Variants in RHPN1 observed in about 807,000 individuals in gnomAD.
The protein encoded by RHPN1 is rhophilin-1.
In RHPN1, 77 loss-of-function variants were observed where a neutral mutation model predicts 74.7. The ratio of observed to expected loss-of-function variants is 1.03; its 90% confidence interval spans 0.86 to 1.25. RHPN1 has a LOEUF of 1.25. Ranked by LOEUF, RHPN1 falls within the 50% of genes most tolerant of loss-of-function variation. RHPN1 has a pLI of 0.00. For synonymous variants in RHPN1, 444 were observed against 414.5 expected (o/e 1.07, Z -0.87); for missense variants, 987 against 932.2 (o/e 1.06, Z -0.77).
In RHPN1 at chr8:143,383,933, T is replaced by C. The variant is rs531978396; in HGVS notation, c.*1282T>C. On this transcript the variant is annotated 3_prime_UTR_variant, in exon 15 of 15. Transcript: ENST00000289013. ...GCAGGTGAGAGCAGCCTGCCCTGCATCCCAGGCTCTGGTTCCAGGGTCCAG... is the reference window on the plus strand; with the variant it reads ...GCAGGTGAGAGCAGCCTGCCCTGCACCCCAGGCTCTGGTTCCAGGGTCCAG... 2 of 152,368 alleles carry C rather than the reference T, an allele frequency of 1.3e-5. No homozygotes were observed. The highest frequency in any genetic ancestry group is 3.9e-4 in the East Asian group (2 of 5,166). The allele number at this position is 152,368 out of a possible 1,614,324, so 9.4% of individuals were successfully genotyped here. A position where few individuals can be genotyped will look rare whatever the true frequency, so the allele number is the denominator to read the frequency against.
At position 143,378,870 on chromosome 8, in the gene RHPN1, G is replaced by A. The variant is rs553457569; in HGVS notation, c.585-42G>A. 61 of 1,573,246 alleles carry A rather than the reference G, an allele frequency of 3.9e-5. No individual in the cohort carries two copies. The East Asian group carries it at 6.4e-4, about 17-fold the overall frequency. On this transcript the variant is annotated intron_variant, in intron 6 of 14. Transcript: ENST00000289013. The stretch of plus-strand genomic sequence containing the variant: ...CCCTGGGGAGGGGAGGCCCAGCTGC[G>A]GGAACCGTGGGAACTCCACCCAGCC...
At chr8:143,381,231 A>T (rs1818702445) in intron 11 of RHPN1, 37 bp from the exon 12 acceptor site, 2 of 1,576,844 alleles carry the variant, frequency 1.3e-6, no homozygotes, top group African/African-American at 2.7e-5. Flanking sequence ...AGGTCTCCAC[A>T]GTCTCCCAGC....
In RHPN1 at chr8:143,378,304, C is replaced by A; in HGVS notation, c.417C>A (p.Ala139=). The A allele has an allele frequency of 6.4e-7, 1 of 1,572,190 alleles. No homozygotes were observed. The highest frequency in any genetic ancestry group is 2.4e-5 in the East Asian group (1 of 42,422). Residue 139 remains alanine (A), a synonymous_variant, in exon 5 of 15, where the codon GCC becomes GCA. Transcript: ENST00000289013. ...LISVHFGEDG[A]SYEAEIRELE... is the part of the protein sequence containing the mutation. ...CAGTGCACTTTGGAGAGGACGGCGC[C>A]TCCTACGAGGCAGAAATCAGGGAGC...
In RHPN1 at chr8:143,379,100, G is replaced by C. The variant is rs766516198; in HGVS notation, c.751+22G>C. On this transcript the variant is annotated intron_variant, in intron 7 of 14. Transcript: ENST00000289013. The stretch of plus-strand genomic sequence containing the variant: ...GCTGGTGAGGGCGGCCCGGGCCGCG[G>C]TGGGGCACGGCGCGGTGCCAGGGTG... 2.0e-6 allele frequency: 3 copies of C among 1,473,268 alleles called. No individual in the cohort carries two copies. The South Asian group carries it at 4.0e-5, about 20-fold the overall frequency. 91.3% of individuals were successfully genotyped at this position (1,473,268 alleles called of 1,614,324 possible). A position where few individuals can be genotyped will look rare whatever the true frequency, so the allele number is the denominator to read the frequency against.
intron 1 of RHPN1, among the ~76,000 whole-genome samples, chr8:143,375,259 G>A (rs1417441839): frequency 6.6e-6 from 1 of 152,164 alleles, no homozygotes; most frequent in Admixed American, 6.5e-5. Flanking sequence ...GTGAGACCCT[G>A]GCTTCTGGTG....
intron 1 of RHPN1, among the ~76,000 whole-genome samples, chr8:143,370,309 A>G (rs73365847): frequency 0.036 from 5,542 of 152,240 alleles, 313 homozygotes; most frequent in African/African-American, 0.13. Flanking sequence ...ATGACCCCAC[A>G]GTCAGGGTAC....
Position 143,382,417 on chromosome 8 carries a change from G to A in RHPN1, c.1798-19G>A. On this transcript the variant is annotated intron_variant, in intron 14 of 14. Coordinates refer to ENST00000289013, the MANE Select transcript of RHPN1 (RefSeq NM_052924.3). ...GGCCAGCAGTGGCTGACCACAGTCT[G>A]TCTCTGTCCCTGCTGCAGGGGGACC... The A allele has an allele frequency of 6.5e-7, 1 of 1,548,286 alleles. No homozygotes were observed. The highest frequency in any genetic ancestry group is 8.7e-7 in the Non-Finnish European group (1 of 1,145,822).
In RHPN1 at chr8:143,379,928, G is replaced by A. The variant is rs762802479; in HGVS notation, c.1045G>A (p.Glu349Lys). ...GACTGCCCTGGTGCATGTCAAGGCC[G>A]AGTACTTCCGCTCCCTGGCCCACTA... ...SWTALVHVKA[E>K]YFRSLAHYHV... The change falls in exon 9 of 15, where the codon GAG becomes AAG. Residue 349 changes from glutamate (E) to lysine (K), a missense_variant. Transcript: ENST00000289013. The A allele has an allele frequency of 6.9e-6, 11 of 1,593,006 alleles. No individual in the cohort carries two copies. Among genetic ancestry groups the A allele is most frequent in the South Asian group, 4.5e-5 (4 of 87,930 alleles).
chr8:143,380,727 C>A lies in RHPN1; in HGVS notation c.1355C>A (p.Ala452Glu). 1 of 1,594,834 alleles carries A rather than the reference C, an allele frequency of 6.3e-7. No homozygotes were observed. The highest frequency in any genetic ancestry group is 8.5e-7 in the Non-Finnish European group (1 of 1,171,202). Residue 452 changes from alanine (A) to glutamate (E), a missense_variant, in exon 11 of 15, where the codon GCG becomes GAG. Transcript: ENST00000289013. Reference sequence around the variant, plus strand: ...CTGCAGCGCTCACTGGCCAAGTATGCGGAGCTCGACCGTGAGGATGACTTC... The same window carrying A: ...CTGCAGCGCTCACTGGCCAAGTATGAGGAGCTCGACCGTGAGGATGACTTC... ...QTLQRSLAKYAELDREDDFCE... is the reference protein window; with the variant it reads ...QTLQRSLAKYEELDREDDFCE...
chr8:143,366,553 GCA>G (rs758244219), upstream of RHPN1: 273 of 148,718 alleles, frequency 1.8e-3, 5 homozygotes, highest in Admixed American at 0.015. Context: ...ACATATGCAC[GCA>G]CACACACGCA....
rs1453144715 is a variant in RHPN1, at chr8:143,379,681, C to T, written c.946-148C>T. 3.5e-6 allele frequency: 5 copies of T among 1,444,226 alleles called. No individual in the cohort carries two copies. The South Asian group carries it at 4.3e-5, about 13-fold the overall frequency. The allele number at this position is 1,444,226 out of a possible 1,614,324, so 89.5% of individuals were successfully genotyped here. A position where few individuals can be genotyped will look rare whatever the true frequency, so the allele number is the denominator to read the frequency against. ...AGGAACCTGGGGACCCGAGCCTCTG[C>T]CTCCAGGGGATGGCACAAAGCAGCA... On this transcript the variant is annotated intron_variant, in intron 8 of 14. Transcript: ENST00000289013.
In RHPN1 at chr8:143,375,643, C is replaced by G. The variant is rs373261318; in HGVS notation, c.151C>G (p.Arg51Gly). 6.2e-7 allele frequency: 1 copy of G among 1,607,832 alleles called. No homozygotes were observed. Among genetic ancestry groups the G allele is most frequent in the African/African-American group, 1.3e-5 (1 of 74,614 alleles). The change falls in exon 2 of 15, where the codon CGG becomes GGG. Residue 51 changes from arginine to glycine, a missense_variant. By Grantham distance (125) the Arg-to-Gly change is moderately radical. Transcript: ENST00000289013. Reference protein sequence around the residue: ...HQQIDKELQMRTGAENLYRAT... With the variant: ...HQQIDKELQMGTGAENLYRAT... The stretch of plus-strand genomic sequence containing the variant: ...GCAGATTGACAAGGAGCTGCAGATG[C>G]GGACGGGCGCTGAGAACCTCTACAG...
chr8:143,381,858 T>G lies in RHPN1; in HGVS notation c.1687T>G (p.Cys563Gly), dbSNP rs911938340. ...CATTGTGTCAGTGAATGGGCAGCCATGCAGGTGGTGGAGACACGCGGAGGT... is the reference window on the plus strand; with the variant it reads ...CATTGTGTCAGTGAATGGGCAGCCAGGCAGGTGGTGGAGACACGCGGAGGT... ...DYIVSVNGQP[C>G]RWWRHAEVVT... is the part of the protein sequence containing the mutation. Residue 563 changes from cysteine to glycine, a missense_variant, in exon 14 of 15, where the codon TGC (cysteine) becomes GGC (glycine). Transcript: ENST00000289013. 6.2e-7 allele frequency: 1 copy of G among 1,612,898 alleles called. No individual in the cohort carries two copies. The highest frequency in any genetic ancestry group is 8.5e-7 in the Non-Finnish European group (1 of 1,179,746).
rs1207271643 is a variant in RHPN1 at position 143,380,166 on chromosome 8, A to C, written c.1207A>C (p.Arg403=). Residue 403 remains arginine, a synonymous_variant, in exon 10 of 15, where the codon AGG becomes CGG. Coordinates refer to ENST00000289013, the MANE Select transcript of RHPN1 (RefSeq NM_052924.3). Reference sequence around the variant, plus strand: ...GCTGCCGCAGGAGCTGGAGGAGCGCAGGCAGCTTGGTAAGGCGCCCATGGG... The same window carrying C: ...GCTGCCGCAGGAGCTGGAGGAGCGCCGGCAGCTTGGTAAGGCGCCCATGGG... ...PVLPQELEER[R]QLGKAHLKRA... 6.5e-7 allele frequency: 1 copy of C among 1,541,766 alleles called. No individual in the cohort carries two copies. The highest frequency in any genetic ancestry group is 2.0e-5 in the Admixed American group (1 of 50,402).
intron 2 of RHPN1, 145 bp from the exon 3 acceptor site, chr8:143,376,380 C>A: frequency 1.7e-6 from 2 of 1,196,694 alleles, no homozygotes; most frequent in Non-Finnish European, 2.3e-6. Flanking sequence ...CCTGCCCCAC[C>A]CATGGGGGGC....
At chr8:143,378,128 C>G (rs1032760768) in intron 4 of RHPN1, 141 bp from the exon 5 acceptor site, 31 of 709,976 alleles carry the variant, frequency 4.4e-5, no homozygotes, top group African/African-American at 4.3e-4. Flanking sequence ...CCCAGGGCCC[C>G]CACGCTGCAT....
At position 143,383,921 on chromosome 8, in the gene RHPN1, GCCTGCCCTGCAT is replaced by G. The variant is rs1413030258; in HGVS notation, c.*1273_*1284del. The G allele has an allele frequency of 2.6e-5, 4 of 152,344 alleles. No individual in the cohort carries two copies. The highest frequency in any genetic ancestry group is 9.6e-5 in the African/African-American group (4 of 41,452). The allele number at this position is 152,344 out of a possible 1,614,324, so 9.4% of individuals were successfully genotyped here. A position where few individuals can be genotyped will look rare whatever the true frequency, so the allele number is the denominator to read the frequency against. On this transcript the variant is annotated 3_prime_UTR_variant, in exon 15 of 15. Transcript: ENST00000289013. ...TTCCGAGGGTCCGCAGGTGAGAGCA[GCCTGCCCTGCAT>G]CCCAGGCTCTGGTTCCAGGGTCCAG...
chr8:143,381,623 G>C lies in RHPN1; in HGVS notation c.1540G>C (p.Val514Leu), dbSNP rs761413309. Residue 514 changes from valine (V) to leucine (L), a missense_variant, in exon 13 of 15, where the codon GTC becomes CTC. By Grantham distance (32) the Val-to-Leu change is conservative. Transcript: ENST00000289013. Reference sequence around the variant, plus strand: ...GAACCGGTGGCGGCTGGTGGGGCCCGTCCACCTGACCCGAGGAGAGGGCGG... The same window carrying C: ...GAACCGGTGGCGGCTGGTGGGGCCCCTCCACCTGACCCGAGGAGAGGGCGG... ...AKNRWRLVGP[V>L]HLTRGEGGFG... is the part of the protein sequence containing the mutation. 2 of 1,610,128 alleles carry C rather than the reference G, an allele frequency of 1.2e-6. No homozygotes were observed. Among genetic ancestry groups the C allele is most frequent in the African/African-American group, 2.7e-5 (2 of 74,854 alleles).
chr8:143,368,882 G>C lies in RHPN1; in HGVS notation c.-106G>C, dbSNP rs1262608711. The C allele has an allele frequency of 3.7e-6, 3 of 802,316 alleles. No individual in the cohort carries two copies. The highest frequency in any genetic ancestry group is 3.7e-5 in the East Asian group (1 of 27,070). The allele number at this position is 802,316 out of a possible 1,614,324, so 49.7% of individuals were successfully genotyped here. ...GTCGGGGACCGGCGCGGGCACTCAG[G>C]AGCCCGCGGCCCAGGTGGTGCGGGC... On this transcript the variant is annotated 5_prime_UTR_variant, in exon 1 of 15. Coordinates refer to ENST00000289013, the MANE Select transcript of RHPN1 (RefSeq NM_052924.3).
Sources: gnomAD v4.1 joint callset for allele counts (sites outside exome capture counted in the v4.1 genomes callset) on GRCh38, gnomAD v4.1.1 for gene constraint, MANE v1.5 for transcripts, NCBI Gene and HGNC (gene_info 2026-07-23, HGNC 2026-07-21) for gene names.